Variants in ARHGAP20 observed in about 807,000 individuals in gnomAD.
ARHGAP20 encodes rho GTPase-activating protein 20.
A neutral mutation model predicts 73.7 loss-of-function variants in ARHGAP20; 34 were observed. That is an observed-to-expected ratio of 0.46 (90% CI 0.35 to 0.61). The LOEUF (loss-of-function observed/expected upper bound fraction) is 0.61. Ranked by LOEUF, ARHGAP20 falls within the 20% of genes least tolerant of loss-of-function variation. The probability of loss-of-function intolerance (pLI) is 0.00; values close to 1 mark genes in which losing one functional copy is unlikely to be tolerated. For missense variants in ARHGAP20, 1,314 were observed against 1,420.9 expected (o/e 0.92, Z 1.21); for synonymous variants, 523 against 518.2 (o/e 1.01, Z -0.13).
chr11:110,630,113 T>G (rs1458400676), intron 3 of ARHGAP20, among the ~76,000 whole-genome samples: 2 of 152,192 alleles, frequency 1.3e-5, no homozygotes, highest in Non-Finnish European at 2.9e-5. Context: ...TTCCTCCAAG[T>G]GCTAAGCTTT....
intron 4 of ARHGAP20, among the ~76,000 whole-genome samples, chr11:110,622,702 T>C (rs1160867665): frequency 6.6e-6 from 1 of 152,188 alleles, no homozygotes; most frequent in East Asian, 1.9e-4. Context: ...TCAGGTATCC[T>C]GCATAATATA....
chr11:110,705,851 G>A (rs1169729986), intron 1 of ARHGAP20, among the ~76,000 whole-genome samples: 4 of 152,196 alleles, frequency 2.6e-5, no homozygotes, highest in East Asian at 1.9e-4. Context: ...TGGAGAATAC[G>A]CCAAGCTTTC....
chr11:110,711,961 G>A (rs1394329500), intron 1 of ARHGAP20, 166 bp downstream of exon 1: 9 of 1,252,898 alleles, frequency 7.2e-6, no homozygotes, highest in Non-Finnish European at 8.0e-6. Flanking sequence ...GCCGCTGGCC[G>A]TCAAGGGCGG....
At chr11:110,586,660 T>C (rs1565423154) in intron 11 of ARHGAP20, among the ~76,000 whole-genome samples, 1 of 152,226 alleles carries the variant, frequency 6.6e-6, no homozygotes, top group African/African-American at 2.4e-5. Context: ...CCTTTTCCCC[T>C]GTCCCTTAGA....
At chr11:110,701,533 G>A (rs1366541634) in intron 1 of ARHGAP20, among the ~76,000 whole-genome samples, 3 of 150,146 alleles carry the variant, frequency 2.0e-5, no homozygotes, top group Non-Finnish European at 4.5e-5. Flanking sequence ...TTTGTAGGTT[G>A]CCTGTTCACT....
At chr11:110,709,584 A>G (rs1417537300) in intron 1 of ARHGAP20, among the ~76,000 whole-genome samples, 2 of 152,218 alleles carry the variant, frequency 1.3e-5, no homozygotes, top group Non-Finnish European at 2.9e-5. Flanking sequence ...CTACGATCTG[A>G]CAATAATATG....
chr11:110,681,748 A>G (rs918654912), intron 2 of ARHGAP20, among the ~76,000 whole-genome samples: 1 of 152,210 alleles, frequency 6.6e-6, no homozygotes, highest in East Asian at 1.9e-4. Context: ...GGTCATGCAC[A>G]ACAGGAGTGA....
intron 2 of ARHGAP20, among the ~76,000 whole-genome samples, chr11:110,673,149 T>C (rs1467491025): frequency 6.6e-6 from 1 of 152,142 alleles, no homozygotes; most frequent in Admixed American, 6.5e-5. Context: ...ATATTTCCAT[T>C]TGATAAAAGG....
intron 2 of ARHGAP20, among the ~76,000 whole-genome samples, chr11:110,668,086 A>C (rs1949759279): frequency 6.6e-6 from 1 of 152,204 alleles, no homozygotes; most frequent in South Asian, 2.1e-4. Context: ...TCAATTTTGA[A>C]AGAAGTTCTG....
chr11:110,663,414 A>T (rs1247743743), intron 2 of ARHGAP20, among the ~76,000 whole-genome samples: 1 of 151,024 alleles, frequency 6.6e-6, no homozygotes, highest in African/African-American at 2.4e-5. Context: ...TTCCAAAGGT[A>T]ACATTGCTAC....
rs560227264 is a variant in ARHGAP20, at chr11:110,620,186, C to T, written c.503+3976G>A. Among the ~76,000 whole-genome samples, 5 of 151,436 alleles carry T rather than the reference C, an allele frequency of 3.3e-5. No individual in the cohort carries two copies. The South Asian group carries it at 1.1e-3, about 32-fold the overall frequency. On this transcript the variant is annotated intron_variant, in intron 4 of 14. Transcript: ENST00000683387. ...AGCTAAGACTACAGATGGGTACCAC[C>T]ATGCTCAGCTAATTTAAACATTTTT...
In ARHGAP20 at chr11:110,712,281, T is replaced by A; in HGVS notation, c.-50A>T. 7.9e-7 allele frequency: 1 copy of A among 1,258,328 alleles called. No individual in the cohort carries two copies. The highest frequency in any genetic ancestry group is 1.0e-6 in the Non-Finnish European group (1 of 990,192). The allele number at this position is 1,258,328 out of a possible 1,614,324, so 77.9% of individuals were successfully genotyped here. ...AGCCCAGGAGGAGGCTACACGATCA[T>A]GTCCGCGGGCTGCCGGCCGGAGGGG... On this transcript the variant is annotated 5_prime_UTR_variant, in exon 1 of 15. The change abolishes an upstream ATG in the 5' untranslated region. Coordinates refer to ENST00000683387, the MANE Select transcript of ARHGAP20 (RefSeq NM_001384657.1).
chr11:110,579,216 T>G lies in ARHGAP20; in HGVS notation c.*154A>C. 1 of 1,336,616 alleles carries G rather than the reference T, an allele frequency of 7.5e-7. No homozygotes were observed. The highest frequency in any genetic ancestry group is 3.0e-5 in the Admixed American group (1 of 33,068). 82.8% of individuals were successfully genotyped at this position (1,336,616 alleles called of 1,614,324 possible). ...AGCATAAAGTATTTGTCAAGTAGTC[T>G]CAATAAAGAGAATTATTTCGTTGTC... On this transcript the variant is annotated 3_prime_UTR_variant, in exon 15 of 15. Coordinates refer to ENST00000683387, the MANE Select transcript of ARHGAP20 (RefSeq NM_001384657.1).
At chr11:110,648,209 A>AT (rs1565457429) in intron 2 of ARHGAP20, among the ~76,000 whole-genome samples, 3 of 69,050 alleles carry the variant, frequency 4.3e-5, no homozygotes, top group African/African-American at 9.3e-5. Context: ...ATATATATGT[A>AT]AATATATATA....
intron 11 of ARHGAP20, among the ~76,000 whole-genome samples, chr11:110,587,057 GGGCTGAGTGTGGTAA>G (rs765348157): frequency 3.9e-5 from 6 of 152,194 alleles, no homozygotes; most frequent in Non-Finnish European, 5.9e-5. Flanking sequence ...ACCACTGGCA[GGGCTGAGTGTGGTAA>G]GGCTGAACTA....
At chr11:110,638,351 A>G (rs1949011859) in intron 2 of ARHGAP20, among the ~76,000 whole-genome samples, 1 of 152,066 alleles carries the variant, frequency 6.6e-6, no homozygotes, top group South Asian at 2.1e-4. Flanking sequence ...AAATTCAAAA[A>G]TAAAAAAATG....
Position 110,577,457 on chromosome 11 carries a change from T to C in ARHGAP20, c.*1913A>G. On this transcript the variant is annotated 3_prime_UTR_variant, in exon 15 of 15. Transcript: ENST00000683387. Reference sequence around the variant, plus strand: ...TGCTTCAAATTGGGTGAATGATTTTTTACCTGCTAACATGAAAAAAAAAAA... The same window carrying C: ...TGCTTCAAATTGGGTGAATGATTTTCTACCTGCTAACATGAAAAAAAAAAA... 9.4e-7 allele frequency: 1 copy of C among 1,061,336 alleles called. No homozygotes were observed. Among genetic ancestry groups the C allele is most frequent in the Non-Finnish European group, 1.1e-6 (1 of 883,252 alleles). 65.7% of individuals were successfully genotyped at this position (1,061,336 alleles called of 1,614,324 possible).
intron 2 of ARHGAP20, among the ~76,000 whole-genome samples, chr11:110,635,479 C>T (rs974284887): frequency 6.6e-6 from 1 of 152,112 alleles, no homozygotes; most frequent in African/African-American, 2.4e-5. Flanking sequence ...TAAAATTCTA[C>T]AATAGTGTAT....
Position 110,577,281 on chromosome 11 carries a change from TAAA to T in ARHGAP20, c.*2086_*2088del, listed in dbSNP as rs1465102755. ...TATATTATAGATTGATGGAGTATAA[TAAA>T]ATGACATATAGTCTGTCTTCAAATC... is the stretch of plus-strand genomic sequence containing the variant. On this transcript the variant is annotated 3_prime_UTR_variant, in exon 15 of 15. Transcript: ENST00000683387. 4 of 1,390,346 alleles carry T rather than the reference TAAA, an allele frequency of 2.9e-6. No homozygotes were observed. Among genetic ancestry groups the T allele is most frequent in the Non-Finnish European group, 3.7e-6 (4 of 1,069,682 alleles). 86.1% of individuals were successfully genotyped at this position (1,390,346 alleles called of 1,614,324 possible). A position where few individuals can be genotyped will look rare whatever the true frequency, so the allele number is the denominator to read the frequency against.
Sources: allele counts gnomAD v4.1 joint callset (sites outside exome capture counted in the v4.1 genomes callset), GRCh38; gene constraint gnomAD v4.1.1; transcripts MANE v1.5; gene names NCBI Gene and HGNC (gene_info 2026-07-23, HGNC 2026-07-21).